Variants in ZNF99 observed in about 807,000 individuals in gnomAD.
ZNF99 encodes the protein zinc finger protein ENSP00000375192.
Under a neutral mutation model 12.8 loss-of-function variants are expected in ZNF99, and 8 were observed. The ratio of observed to expected loss-of-function variants is 0.62; its 90% CI spans 0.37 to 1.13. The LOEUF (loss-of-function observed/expected upper bound fraction) is 1.13, where lower values mean the gene tolerates loss of function less well. Ranked by LOEUF, ZNF99 falls within the 50% of genes most tolerant of loss-of-function variation. The pLI, the probability that ZNF99 is intolerant of heterozygous loss-of-function variation, is 0.02. For missense variants in ZNF99, 1,007 were observed against 1,006.2 expected (o/e 1.00, Z -0.01); for synonymous variants, 318 against 319.0 (o/e 1.00, Z 0.03).
At chr19:22,778,697 G>A (rs1442484829) in intron 1 of ZNF99, among the ~76,000 whole-genome samples, 1 of 152,140 alleles carries the variant, frequency 6.6e-6, no homozygotes, top group Non-Finnish European at 1.5e-5. Flanking sequence ...TGGAAGAAAT[G>A]TATAGGACAA....
chr19:22,763,903 C>CTTTTTT (rs1349512561), intron 3 of ZNF99, among the ~76,000 whole-genome samples: 2 of 126,248 alleles, frequency 1.6e-5, no homozygotes, highest in African/African-American at 3.5e-5. Context: ...TTTTTTCTTT[C>CTTTTTT]CTTTTTTTTT....
chr19:22,760,210 T>C (rs2145144688), intron 3 of ZNF99, among the ~76,000 whole-genome samples: 1 of 152,226 alleles, frequency 6.6e-6, no homozygotes, highest in Non-Finnish European at 1.5e-5. Flanking sequence ...AGGCAATCAC[T>C]TGAACTTGGG....
rs1452015545 is a variant in ZNF99 at position 22,763,902 on chromosome 19, TC to T, written c.227-4221del. On this transcript the variant is annotated intron_variant, in intron 3 of 3. Transcript: ENST00000596209. ...GAAAGGATACTCTTTTTTTTTTCTT[TC>T]CTTTTTTTTTTTTTTTTTTTTTTGA... 4.3e-3 allele frequency among the ~76,000 whole-genome samples: 587 copies of T among 137,448 alleles called. 5 individuals carry two copies. Among genetic ancestry groups the T allele is most frequent in the African/African-American group, 0.015 (517 of 34,456 alleles). 90.2% of individuals were successfully genotyped at this position (137,448 alleles called of 152,430 possible). A position where few individuals can be genotyped will look rare whatever the true frequency, so the allele number is the denominator to read the frequency against.
chr19:22,754,770 T>TGTTCAG lies in ZNF99; in HGVS notation c.*2543_*2544insCTGAAC. On this transcript the variant is annotated 3_prime_UTR_variant, in exon 4 of 4. Transcript: ENST00000596209. ...GTTTCTCTTCAGTATAAATTGTTTATTAAGAATTGAAGAATTAGGCTGGGC... is the reference window on the plus strand; with the variant it reads ...GTTTCTCTTCAGTATAAATTGTTTATGTTCAGTAAGAATTGAAGAATTAGGCTGGGC... The TGTTCAG allele has an allele frequency of 4.6e-6, 1 of 216,886 alleles. No homozygotes were observed. The highest frequency in any genetic ancestry group is 9.4e-6 in the Non-Finnish European group (1 of 106,932). 13.4% of individuals were successfully genotyped at this position (216,886 alleles called of 1,614,324 possible).
chr19:22,784,124 A>C lies in ZNF99; in HGVS notation c.-108T>G. ...ACAGAGCAGTAAAAACGAGATCCGGAGCTCCAGCTGGAACCAGAAACAACG... is the reference window on the plus strand; with the variant it reads ...ACAGAGCAGTAAAAACGAGATCCGGCGCTCCAGCTGGAACCAGAAACAACG... On this transcript the variant is annotated 5_prime_UTR_variant, in exon 1 of 4. Coordinates refer to ENST00000596209, the MANE Select transcript of ZNF99 (RefSeq NM_001080409.3). The C allele has an allele frequency of 1.5e-6, 2 of 1,308,884 alleles. No homozygotes were observed. The highest frequency in any genetic ancestry group is 2.1e-6 in the Non-Finnish European group (2 of 935,564). The allele number at this position is 1,308,884 out of a possible 1,614,324, so 81.1% of individuals were successfully genotyped here.
At chr19:22,770,208 C>T (rs1337476956) in intron 1 of ZNF99, among the ~76,000 whole-genome samples, 1 of 152,070 alleles carries the variant, frequency 6.6e-6, no homozygotes, top group Admixed American at 6.6e-5. Flanking sequence ...AAGACGAGAG[C>T]CCTCATTTTC....
chr19:22,753,254 A>C lies in ZNF99; in HGVS notation c.*4060T>G, dbSNP rs1334669956. 1 of 152,030 alleles carries C rather than the reference A, an allele frequency of 6.6e-6. No homozygotes were observed. The allele number at this position is 152,030 out of a possible 1,614,324, so 9.4% of individuals were successfully genotyped here. A position where few individuals can be genotyped will look rare whatever the true frequency, so the allele number is the denominator to read the frequency against. On this transcript the variant is annotated 3_prime_UTR_variant, in exon 4 of 4. Transcript: ENST00000596209. Reference sequence around the variant, plus strand: ...CCAAAAAATCACCTCCTCTTTTTTAAGTTATATGCAAATAACTTATCTAAA... The same window carrying C: ...CCAAAAAATCACCTCCTCTTTTTTACGTTATATGCAAATAACTTATCTAAA...
rs747911330 is a variant in ZNF99 at position 22,756,450 on chromosome 19, T to A, written c.*864A>T. 1.3e-6 allele frequency: 2 copies of A among 1,581,954 alleles called. No homozygotes were observed. Among genetic ancestry groups the A allele is most frequent in the Non-Finnish European group, 1.7e-6 (2 of 1,165,220 alleles). On this transcript the variant is annotated 3_prime_UTR_variant, in exon 4 of 4. Transcript: ENST00000596209. ...TAAATGCTTTACCACACTCTTCACA[T>A]TTGTAGGGTTTCTTTCCAGTATGAA...
rs1221408808 is a variant in ZNF99 at position 22,757,239 on chromosome 19, G to A, written c.*75C>T. On this transcript the variant is annotated 3_prime_UTR_variant, in exon 4 of 4. Transcript: ENST00000596209. ...TTCTTCCCAGTATAAATTATCTTAT[G>A]TTTCCTAAGGGTTGAGGAATTGTTA... 2 of 1,587,856 alleles carry A rather than the reference G, an allele frequency of 1.3e-6. No homozygotes were observed. Among genetic ancestry groups the A allele is most frequent in the Admixed American group, 1.7e-5 (1 of 58,842 alleles).
rs1973050554 is a variant in ZNF99, at chr19:22,756,257, T to C, written c.*1057A>G. ...CTTATGTTTAGTAAGGGCTGAAAGA[T>C]GGTTAAAAGCTTTGCCACATTCTTC... On this transcript the variant is annotated 3_prime_UTR_variant, in exon 4 of 4. Transcript: ENST00000596209. The C allele has an allele frequency of 2.5e-6, 4 of 1,578,368 alleles. No homozygotes were observed. Among genetic ancestry groups the C allele is most frequent in the African/African-American group, 1.5e-5 (1 of 64,880 alleles).
At chr19:22,782,163 G>A (rs927699468) in intron 1 of ZNF99, among the ~76,000 whole-genome samples, 65 of 152,274 alleles carry the variant, frequency 4.3e-4, no homozygotes, top group African/African-American at 1.5e-3. Flanking sequence ...ATTATGAACT[G>A]GAAGTTTAGT....
chr19:22,757,795 T>G lies in ZNF99; in HGVS notation c.2114A>C (p.Tyr705Ser), dbSNP rs373147192. The G allele has an allele frequency of 6.2e-7, 1 of 1,612,832 alleles. No homozygotes were observed. The highest frequency in any genetic ancestry group is 8.5e-7 in the Non-Finnish European group (1 of 1,179,690). ...HKIIHTGKKP[Y>S]KCEECGKAFS... ...AGCTTTGCCACATTCTTCACATTTG[T>G]AGGGTTTCTTTCCAGTATGAATTAT... The change falls in exon 4 of 4, where the codon TAC becomes TCC. Residue 705 changes from tyrosine (Y) to serine (S), a missense_variant. Physicochemically the swap from Tyr to Ser is moderately radical, Grantham distance 144 (BLOSUM62 -2). Transcript: ENST00000596209.
chr19:22,775,565 TAATTA>T (rs58504646), intron 1 of ZNF99, among the ~76,000 whole-genome samples: 23,081 of 152,160 alleles, frequency 0.15, 1,759 homozygotes, highest in East Asian at 0.18. Flanking sequence ...AAATGGGACC[TAATTA>T]AATTAAATAT....
Position 22,784,091 on chromosome 19 carries a change from C to T in ZNF99, c.-75G>A, listed in dbSNP as rs573707374. The stretch of plus-strand genomic sequence containing the variant: ...CCTACAGGTCACAGGGCCACAGAGG[C>T]TAAGGACACAGAGCAGTAAAAACGA... On this transcript the variant is annotated 5_prime_UTR_variant, in exon 1 of 4. Coordinates refer to ENST00000596209, the MANE Select transcript of ZNF99 (RefSeq NM_001080409.3). The T allele has an allele frequency of 1.0e-5, 16 of 1,564,564 alleles. No individual in the cohort carries two copies. The highest frequency in any genetic ancestry group is 1.7e-4 in the Middle Eastern group (1 of 5,924).
chr19:22,763,673 G>A (rs1317034858), intron 3 of ZNF99, among the ~76,000 whole-genome samples: 1 of 151,936 alleles, frequency 6.6e-6, no homozygotes, highest in Non-Finnish European at 1.5e-5. Flanking sequence ...CATAGCCAAA[G>A]CAAGACTAAG....
At chr19:22,780,463 C>CG (rs1973375179) in intron 1 of ZNF99, among the ~76,000 whole-genome samples, 1 of 152,044 alleles carries the variant, frequency 6.6e-6, no homozygotes, top group Non-Finnish European at 1.5e-5. Flanking sequence ...GAGGCTGAGG[C>CG]GGGCGGATCA....
chr19:22,779,904 C>A (rs1055191438), intron 1 of ZNF99, among the ~76,000 whole-genome samples: 7 of 152,188 alleles, frequency 4.6e-5, no homozygotes, highest in African/African-American at 1.7e-4. Flanking sequence ...CTTTTTTCAA[C>A]ATAAATCTAA....
In ZNF99 at chr19:22,753,144, C is replaced by G. The variant is rs1972992812; in HGVS notation, c.*4170G>C. 6.6e-6 allele frequency: 1 copy of G among 151,510 alleles called. No individual in the cohort carries two copies. Among genetic ancestry groups the G allele is most frequent in the African/African-American group, 2.4e-5 (1 of 41,102 alleles). The allele number at this position is 151,510 out of a possible 1,614,324, so 9.4% of individuals were successfully genotyped here. ...TACATCCTTATTTGCTTTTCAGAGT[C>G]TGTAATTTTTTTCAATATTGTGATG... On this transcript the variant is annotated 3_prime_UTR_variant, in exon 4 of 4. Transcript: ENST00000596209.
At chr19:22,767,352 A>G (rs931587599) in intron 3 of ZNF99, among the ~76,000 whole-genome samples, 13 of 152,188 alleles carry the variant, frequency 8.5e-5, no homozygotes, top group African/African-American at 2.7e-4. Context: ...GAAGCATACA[A>G]TATGTTCTCT....
Sources: gnomAD v4.1 joint callset for allele counts (sites outside exome capture counted in the v4.1 genomes callset) on GRCh38, gnomAD v4.1.1 for gene constraint, MANE v1.5 for transcripts, NCBI Gene and HGNC (gene_info 2026-07-23, HGNC 2026-07-21) for gene names.